KLB: variants seen among roughly 807,000 people sequenced by gnomAD.
KLB encodes the protein klotho beta, also known as beta-klotho.
KLB carries 44 observed loss-of-function variants against 88.4 expected under a neutral mutation model. The observed-to-expected ratio is 0.50, with a 90% CI of 0.39 to 0.64. The LOEUF is 0.64. Among genes scored for constraint, KLB ranks in the 30% least tolerant of loss-of-function variants. The pLI is 0.00. For missense variants in KLB, 1,137 were observed against 1,304.8 expected (o/e 0.87, Z 1.98); for synonymous variants, 548 against 513.4 (o/e 1.07, Z -0.91).
intron 1 of KLB, among the ~76,000 whole-genome samples, chr4:39,408,409 C>A (rs1742772556): frequency 6.6e-6 from 1 of 151,928 alleles, no homozygotes. Flanking sequence ...ATTTCAAAAG[C>A]TAGAGATAAT....
chr4:39,445,663 C>G lies in KLB; in HGVS notation c.1606-669C>G, dbSNP rs1359258208. Among the ~76,000 whole-genome samples the G allele has an allele frequency of 2.0e-5, 3 of 147,570 alleles. No individual in the cohort carries two copies. In the South Asian group the frequency reaches 6.7e-4, roughly 33 times the overall value. On this transcript the variant is annotated intron_variant, in intron 3 of 4. Transcript: ENST00000257408. ...GGGATTACAAGCATGCGCCTCCACG[C>G]CTGGCTAATCTTGTTTTTTTGTTTT...
intron 1 of KLB, among the ~76,000 whole-genome samples, chr4:39,418,806 G>C (rs1743016278): frequency 6.6e-6 from 1 of 151,644 alleles, no homozygotes. Context: ...AACTTAGCTG[G>C]GTGTGGTGGT....
intron 1 of KLB, among the ~76,000 whole-genome samples, chr4:39,425,272 C>G (rs1743180820): frequency 6.6e-6 from 1 of 152,162 alleles, no homozygotes; most frequent in Non-Finnish European, 1.5e-5. Context: ...GGTATAGATT[C>G]TGGCTCAGCC....
intron 1 of KLB, among the ~76,000 whole-genome samples, chr4:39,412,828 A>G (rs1445607906): frequency 1.3e-5 from 2 of 152,164 alleles, no homozygotes; most frequent in Non-Finnish European, 2.9e-5. Flanking sequence ...TTAGGTGTAA[A>G]TGTTGGTTAA....
intron 1 of KLB, among the ~76,000 whole-genome samples, chr4:39,413,635 G>A (rs2109820368): frequency 6.6e-6 from 1 of 151,782 alleles, no homozygotes; most frequent in African/African-American, 2.4e-5. Flanking sequence ...GAGGTGGGAA[G>A]ATCACTTAAG....
At chr4:39,443,761 A>T (rs77906804) in intron 3 of KLB, among the ~76,000 whole-genome samples, 36,726 of 112,694 alleles carry the variant, frequency 0.33, 5,028 homozygotes, top group Middle Eastern at 0.42. Context: ...ACTTTGTCAA[A>T]AAAAAAAAAA....
At chr4:39,441,061 G>C (rs11732588) in intron 3 of KLB, among the ~76,000 whole-genome samples, 8,962 of 152,098 alleles carry the variant, frequency 0.059, 292 homozygotes, top group Non-Finnish European at 0.069. Context: ...TCACTATGTT[G>C]GCCAGACTGG....
rs750204707 is a variant in KLB at position 39,448,350 on chromosome 4, G to A, written c.2799G>A (p.Leu933=). 1.2e-6 allele frequency: 2 copies of A among 1,612,506 alleles called. No individual in the cohort carries two copies. Among genetic ancestry groups the A allele is most frequent in the East Asian group, 2.2e-5 (1 of 44,876 alleles). Residue 933 remains leucine (L), a synonymous_variant, in exon 5 of 5, where the codon CTG becomes CTA. Transcript: ENST00000257408. ...VRIKGYYAFK[L]AEEKSKPRFG... is the part of the protein sequence containing the mutation. ...TCAAAGGCTATTATGCATTCAAACT[G>A]GCTGAAGAGAAATCTAAACCCAGAT...
At chr4:39,430,649 G>T (rs1409482419) in intron 1 of KLB, among the ~76,000 whole-genome samples, 1 of 144,800 alleles carries the variant, frequency 6.9e-6, no homozygotes, top group Non-Finnish European at 1.5e-5. Context: ...CACCCAGGCT[G>T]GAGTACAGCG....
In KLB at chr4:39,449,904, G is replaced by A. The variant is rs190153626; in HGVS notation, c.*1218G>A. ...CGTGCCATTGCACTCCAGCCTGGGGGACAGGGCAAGACTGTCTCTCAAAAT... is the reference window on the plus strand; with the variant it reads ...CGTGCCATTGCACTCCAGCCTGGGGAACAGGGCAAGACTGTCTCTCAAAAT... On this transcript the variant is annotated 3_prime_UTR_variant, in exon 5 of 5. Transcript: ENST00000257408. 1.3e-5 allele frequency: 2 copies of A among 151,916 alleles called. No individual in the cohort carries two copies. The highest frequency in any genetic ancestry group is 4.8e-5 in the African/African-American group (2 of 41,300). The allele number at this position is 151,916 out of a possible 1,614,324, so 9.4% of individuals were successfully genotyped here.
In KLB at chr4:39,443,351, A is replaced by G. The variant is rs540335103; in HGVS notation, c.1606-2981A>G. Reference sequence around the variant, plus strand: ...TGCAGTCTAGTGTGGGCGACAGGGCAAGACCCTGTCCCTCCTCCCTACTCC... The same window carrying G: ...TGCAGTCTAGTGTGGGCGACAGGGCGAGACCCTGTCCCTCCTCCCTACTCC... On this transcript the variant is annotated intron_variant, in intron 3 of 4. Transcript: ENST00000257408. Among the ~76,000 whole-genome samples the G allele has an allele frequency of 2.0e-5, 3 of 151,706 alleles. No individual in the cohort carries two copies. The South Asian group carries it at 6.3e-4, about 32-fold the overall frequency.
chr4:39,445,677 TTTTTTTG>T (rs1334063766), intron 3 of KLB, among the ~76,000 whole-genome samples: 62 of 84,870 alleles, frequency 7.3e-4, no homozygotes, highest in African/African-American at 1.9e-3. Context: ...GCTAATCTTG[TTTTTTTG>T]TTTTTTTTTT....
rs142697155 is a variant in KLB, at chr4:39,438,127, A to G, written c.1605+132A>G. 75 of 831,410 alleles carry G rather than the reference A, an allele frequency of 9.0e-5. No homozygotes were observed. In the African/African-American group the frequency reaches 1.1e-3, roughly 12 times the overall value. 51.5% of individuals were successfully genotyped at this position (831,410 alleles called of 1,614,324 possible). ...CAATTGTATGGAGGTTATGAAGGAG[A>G]GCTAGGGAAAGAGAAGGGAGAAAAA... is the stretch of plus-strand genomic sequence containing the variant. On this transcript the variant is annotated intron_variant, in intron 3 of 4. Coordinates refer to ENST00000257408, the MANE Select transcript of KLB (RefSeq NM_175737.4).
chr4:39,448,770 TAG>T lies in KLB; in HGVS notation c.*86_*87del. 1 of 1,299,106 alleles carries T rather than the reference TAG, an allele frequency of 7.7e-7. No homozygotes were observed. Among genetic ancestry groups the T allele is most frequent in the African/African-American group, 1.5e-5 (1 of 67,756 alleles). The allele number at this position is 1,299,106 out of a possible 1,614,324, so 80.5% of individuals were successfully genotyped here. A position where few individuals can be genotyped will look rare whatever the true frequency, so the allele number is the denominator to read the frequency against. On this transcript the variant is annotated 3_prime_UTR_variant, in exon 5 of 5. Transcript: ENST00000257408. ...ACTTACAGGAGATATACCTGTATTA[TAG>T]AAAGACAATCTGAGATACAGCTGTA... is the stretch of plus-strand genomic sequence containing the variant.
intron 4 of KLB, 116 bp downstream of exon 4, chr4:39,447,591 TC>T (rs1743786520): frequency 1.2e-6 from 1 of 830,940 alleles, no homozygotes; most frequent in Admixed American, 3.4e-5. Flanking sequence ...GGCACCCAAG[TC>T]CTGTCAATTG....
intron 1 of KLB, among the ~76,000 whole-genome samples, chr4:39,428,211 G>T (rs531551758): frequency 1.3e-5 from 2 of 152,306 alleles, no homozygotes; most frequent in East Asian, 3.9e-4. Context: ...CGGATCACCT[G>T]AGGTCAGGAG....
rs1214273274 is a variant in KLB at position 39,446,912 on chromosome 4, A to G, written c.2186A>G (p.Gln729Arg). The change falls in exon 4 of 5, where the codon CAG becomes CGG. Residue 729 changes from glutamine (Q) to arginine (R), a missense_variant. This residue lies in a region of KLB where 426 missense variants were observed against 404.6 expected (regional missense o/e 1.05). Transcript: ENST00000257408. The surrounding 1 kb of genome is among the most constrained non-coding windows in gnomAD (Gnocchi z 6.4). ...CTGGCCTGGCGCCTCTACGACCGGCAGTTCAGGCCCTCACAGCGCGGGGCC... is the reference window on the plus strand; with the variant it reads ...CTGGCCTGGCGCCTCTACGACCGGCGGTTCAGGCCCTCACAGCGCGGGGCC... ...HALAWRLYDR[Q>R]FRPSQRGAVS... The G allele has an allele frequency of 5.6e-6, 9 of 1,605,478 alleles. No individual in the cohort carries two copies. The highest frequency in any genetic ancestry group is 7.6e-6 in the Non-Finnish European group (9 of 1,179,024).
At chr4:39,434,781 C>G in intron 2 of KLB, 61 bp downstream of exon 2, 7 of 1,265,642 alleles carry the variant, frequency 5.5e-6, no homozygotes, top group Non-Finnish European at 7.7e-6. Flanking sequence ...TATTTAAAGT[C>G]ACCTTTGAAT....
intron 3 of KLB, among the ~76,000 whole-genome samples, chr4:39,439,677 G>A (rs1383377914): frequency 8.2e-6 from 1 of 121,368 alleles, no homozygotes; most frequent in South Asian, 2.5e-4. Flanking sequence ...TTTTTTTTTT[G>A]GAGACGGAGC....
Sources: gnomAD v4.1 joint callset for allele counts (sites outside exome capture counted in the v4.1 genomes callset) on GRCh38, gnomAD v4.1.1 for gene constraint, gnomAD v4.1.1 regional missense constraint, Gnocchi (gnomAD v3.1) non-coding constraint, MANE v1.5 for transcripts, NCBI Gene and HGNC (gene_info 2026-07-23, HGNC 2026-07-21) for gene names.